The following SEZ6L variants were observed in gnomAD, a reference collection of about 807,000 sequenced individuals.
The protein encoded by SEZ6L is seizure related 6 homolog like.
Under a neutral mutation model 106.2 loss-of-function variants are expected in SEZ6L, and 37 were observed. The ratio of observed to expected loss-of-function variants is 0.35; its 90% CI spans 0.27 to 0.46. The LOEUF (loss-of-function observed/expected upper bound fraction) is 0.46. Ranked by LOEUF, SEZ6L falls within the 20% of genes least tolerant of loss-of-function variation. The pLI is 1.00. For synonymous variants in SEZ6L, 541 were observed against 570.4 expected, an observed-to-expected ratio of 0.95 and a Z score of 0.73; for missense variants, 1,172 against 1,332.8, an observed-to-expected ratio of 0.88 and a Z score of 1.88.
intron 1 of SEZ6L, among the ~76,000 whole-genome samples, chr22:26,260,155 A>G (rs757336841): frequency 1.3e-5 from 2 of 152,046 alleles, no homozygotes; most frequent in South Asian, 2.1e-4. Context: ...TTTTATTTCC[A>G]TAGGTTTTGG....
Position 26,380,604 on chromosome 22 carries a change from C to T in SEZ6L, c.*309C>T. 1 of 319,640 alleles carries T rather than the reference C, an allele frequency of 3.1e-6. No homozygotes were observed. Among genetic ancestry groups the T allele is most frequent in the South Asian group, 6.8e-5 (1 of 14,698 alleles). The allele number at this position is 319,640 out of a possible 1,614,324, so 19.8% of individuals were successfully genotyped here. A position where few individuals can be genotyped will look rare whatever the true frequency, so the allele number is the denominator to read the frequency against. On this transcript the variant is annotated 3_prime_UTR_variant, in exon 17 of 17. Coordinates refer to ENST00000248933, the MANE Select transcript of SEZ6L (RefSeq NM_021115.5). ...ACAAAACAGCAGATGGAGTTTCTCC[C>T]ATCAGCAATGCCATGCTAAGGCTGC...
chr22:26,364,142 T>A (rs1308940597), intron 12 of SEZ6L, among the ~76,000 whole-genome samples: 3 of 152,330 alleles, frequency 2.0e-5, no homozygotes, highest in South Asian at 4.1e-4. Flanking sequence ...TAGTTTTATG[T>A]TATGTAGATT....
intron 5 of SEZ6L, among the ~76,000 whole-genome samples, chr22:26,304,381 AAAG>A (rs1401332442): frequency 7.1e-5 from 7 of 97,948 alleles, no homozygotes; most frequent in African/African-American, 3.0e-4. Flanking sequence ...AGAAAGAAAG[AAAG>A]AAAGAAAGAA....
intron 1 of SEZ6L, among the ~76,000 whole-genome samples, chr22:26,223,102 C>T (rs910427901): frequency 2.0e-5 from 3 of 152,118 alleles, no homozygotes; most frequent in East Asian, 1.9e-4. Context: ...CCACCTCCAC[C>T]GTAGGAGTTG....
At chr22:26,344,532 G>C (rs562145786) in intron 10 of SEZ6L, among the ~76,000 whole-genome samples, 2 of 152,196 alleles carry the variant, frequency 1.3e-5, no homozygotes, top group Admixed American at 6.5e-5. Flanking sequence ...CAAATAGATG[G>C]CTGTGCTTGA....
At chr22:26,359,150 G>A (rs973790162) in intron 12 of SEZ6L, among the ~76,000 whole-genome samples, 1 of 152,166 alleles carries the variant, frequency 6.6e-6, no homozygotes, top group Non-Finnish European at 1.5e-5. Context: ...CATCTTCTAG[G>A]TGCTGAAGAT....
chr22:26,354,230 C>T (rs746638502), intron 12 of SEZ6L, among the ~76,000 whole-genome samples: 6 of 152,158 alleles, frequency 3.9e-5, no homozygotes, highest in South Asian at 4.1e-4. Flanking sequence ...AAGCTGAGGT[C>T]GCACTGGATT....
chr22:26,195,853 A>G (rs1034836096), intron 1 of SEZ6L, among the ~76,000 whole-genome samples: 2 of 152,118 alleles, frequency 1.3e-5, no homozygotes, highest in Admixed American at 1.3e-4. Context: ...CTGTGAAAGC[A>G]TCAATCAGGG....
rs754661681 is a variant in SEZ6L at position 26,292,751 on chromosome 22, C to G, written c.440C>G (p.Ser147Cys). The G allele has an allele frequency of 6.2e-7, 1 of 1,614,112 alleles. No homozygotes were observed. The highest frequency in any genetic ancestry group is 8.5e-7 in the Non-Finnish European group (1 of 1,179,980). Residue 147 changes from serine (S) to cysteine (C), a missense_variant, in exon 2 of 17, where the codon TCC becomes TGC. This residue lies in a region of SEZ6L where 494 missense variants were observed against 445.8 expected (regional missense o/e 1.11). Coordinates refer to ENST00000248933, the MANE Select transcript of SEZ6L (RefSeq NM_021115.5). Reference sequence around the variant, plus strand: ...GCAGCCACTGTCCAAAGGGCAGGGTCCCAGCCAGCGTCCCAGGGCCTAGAT... The same window carrying G: ...GCAGCCACTGTCCAAAGGGCAGGGTGCCAGCCAGCGTCCCAGGGCCTAGAT... ...TSAATVQRAG[S>C]QPASQGLDLL...
At chr22:26,365,590 A>G in intron 13 of SEZ6L, 24 bp downstream of exon 13, 1 of 1,598,862 alleles carries the variant, frequency 6.3e-7, no homozygotes, top group Non-Finnish European at 8.6e-7. Flanking sequence ...CTCACCACAC[A>G]GGGTCCACGG....
intron 1 of SEZ6L, among the ~76,000 whole-genome samples, chr22:26,230,880 G>A (rs1335190685): frequency 6.6e-6 from 1 of 152,212 alleles, no homozygotes; most frequent in Non-Finnish European, 1.5e-5. Flanking sequence ...TGAGCCATGG[G>A]GAGGCTGATT....
chr22:26,220,413 G>C (rs2078430071), intron 1 of SEZ6L, among the ~76,000 whole-genome samples: 1 of 152,156 alleles, frequency 6.6e-6, no homozygotes, highest in African/African-American at 2.4e-5. Context: ...ATCCCTTTGA[G>C]GCAGGCAGAG....
chr22:26,197,093 C>T (rs545685246), intron 1 of SEZ6L, among the ~76,000 whole-genome samples: 2 of 152,120 alleles, frequency 1.3e-5, no homozygotes, highest in African/African-American at 4.8e-5. Context: ...ACAGACACTA[C>T]TTCTTTCACA....
At position 26,340,538 on chromosome 22, in the gene SEZ6L, G is replaced by C; in HGVS notation, c.2118G>C (p.Leu706=). The change falls in exon 10 of 17, where the codon CTG becomes CTC. Residue 706 remains leucine (L), a synonymous_variant. Coordinates refer to ENST00000248933, the MANE Select transcript of SEZ6L (RefSeq NM_021115.5). ...TTGGGAACAGTGGCCCCCAGAAACT[G>C]TACTCCTCCACGCCAGACTTAACCA... is the stretch of plus-strand genomic sequence containing the variant. ...QYLGNSGPQK[L]YSSTPDLTIQ... is the part of the protein sequence containing the mutation. 6.2e-7 allele frequency: 1 copy of C among 1,614,074 alleles called. No homozygotes were observed. Among genetic ancestry groups the C allele is most frequent in the Non-Finnish European group, 8.5e-7 (1 of 1,180,008 alleles).
chr22:26,302,315 A>T (rs1417824060), intron 5 of SEZ6L, among the ~76,000 whole-genome samples: 1 of 152,176 alleles, frequency 6.6e-6, no homozygotes, highest in Non-Finnish European at 1.5e-5. Flanking sequence ...TCATATGCAC[A>T]TTACACCTGG....
At chr22:26,341,869 G>A (rs557876845) in intron 10 of SEZ6L, among the ~76,000 whole-genome samples, 9 of 152,214 alleles carry the variant, frequency 5.9e-5, no homozygotes, top group South Asian at 4.1e-4. Flanking sequence ...ACTCTAGTCC[G>A]AACTACCAAC....
Position 26,312,064 on chromosome 22 carries a change from T to TAC in SEZ6L, c.1876+103_1876+104dup, listed in dbSNP as rs373907055. The TAC allele has an allele frequency of 8.0e-3, 9,408 of 1,170,980 alleles. 61 individuals are homozygous for TAC. Among genetic ancestry groups the TAC allele is most frequent in the Non-Finnish European group, 9.0e-3 (7,389 of 823,712 alleles). The allele number at this position is 1,170,980 out of a possible 1,614,324, so 72.5% of individuals were successfully genotyped here. ...CTTAGAGGCCTGTCCCCAGTTTTCA[T>TAC]ACCAACTTTAGGATTAGAACCCTTT... On this transcript the variant is annotated intron_variant, in intron 8 of 16. Transcript: ENST00000248933.
chr22:26,199,649 A>G (rs1940800241), intron 1 of SEZ6L, among the ~76,000 whole-genome samples: 2 of 152,220 alleles, frequency 1.3e-5, no homozygotes, highest in African/African-American at 4.8e-5. Context: ...AGAGAAGTAC[A>G]TCCAGGACTA....
At chr22:26,317,403 T>C (rs2082036274) in intron 9 of SEZ6L, among the ~76,000 whole-genome samples, 1 of 151,336 alleles carries the variant, frequency 6.6e-6, no homozygotes, top group Non-Finnish European at 1.5e-5. Flanking sequence ...TGAAGTCATC[T>C]ATAATCCCCT....
Sources: allele counts gnomAD v4.1 joint callset (sites outside exome capture counted in the v4.1 genomes callset), GRCh38; gene constraint gnomAD v4.1.1; regional missense constraint gnomAD v4.1.1; transcripts MANE v1.5; gene names NCBI Gene and HGNC (gene_info 2026-07-23, HGNC 2026-07-21).